PCSK6: variants seen among roughly 807,000 people sequenced by gnomAD.
PCSK6 encodes paired basic amino acid cleaving enzyme 4.
PCSK6 carries 85 observed loss-of-function variants against 123.3 expected under a neutral mutation model. That is an observed-to-expected ratio of 0.69 (90% confidence interval 0.58 to 0.83). The LOEUF (loss-of-function observed/expected upper bound fraction) is 0.83, where lower values mean the gene tolerates loss of function less well. Ranked by LOEUF, PCSK6 falls within the 40% of genes least tolerant of loss-of-function variation. The pLI is 0.00. For synonymous variants in PCSK6, 508 were observed against 516.0 expected, an observed-to-expected ratio of 0.98 and a Z score of 0.21; for missense variants, 1,191 against 1,282.3, an observed-to-expected ratio of 0.93 and a Z score of 1.09.
At chr15:101,392,132 G>A (rs191687734) in intron 8 of PCSK6, among the ~76,000 whole-genome samples, 1 of 152,338 alleles carries the variant, frequency 6.6e-6, no homozygotes, top group African/African-American at 2.4e-5. Flanking sequence ...GCAAGACTAT[G>A]TTGGGTTTTG....
At chr15:101,377,789 C>A (rs1220416784) in intron 11 of PCSK6, among the ~76,000 whole-genome samples, 2 of 152,218 alleles carry the variant, frequency 1.3e-5, no homozygotes, top group Non-Finnish European at 2.9e-5. Context: ...CAAAGCAACA[C>A]ATTGGCTTTT....
intron 6 of PCSK6, among the ~76,000 whole-genome samples, chr15:101,399,206 G>A (rs2042513147): frequency 6.6e-6 from 1 of 152,190 alleles, no homozygotes; most frequent in Admixed American, 6.5e-5. Flanking sequence ...TGGCCAAAAG[G>A]CACATTTCTA....
chr15:101,370,290 A>G, intron 12 of PCSK6, 45 bp downstream of exon 12: 1 of 1,435,748 alleles, frequency 7.0e-7, no homozygotes. Context: ...TGCAGGGTCA[A>G]TCTCAGTGAG....
intron 1 of PCSK6, among the ~76,000 whole-genome samples, chr15:101,464,331 G>T (rs940814956): frequency 4.6e-5 from 7 of 152,186 alleles, no homozygotes; most frequent in Admixed American, 6.5e-5. Flanking sequence ...GGGACGAAAT[G>T]CAAGTAGGTC....
chr15:101,447,509 G>A (rs1304353638), intron 1 of PCSK6, among the ~76,000 whole-genome samples: 3 of 152,158 alleles, frequency 2.0e-5, no homozygotes, highest in Non-Finnish European at 4.4e-5. Flanking sequence ...AGACAAGCAG[G>A]TGACAAAATT....
chr15:101,398,664 C>T lies in PCSK6; in HGVS notation c.824-88G>A. The T allele has an allele frequency of 1.4e-6, 2 of 1,392,632 alleles. No individual in the cohort carries two copies. The highest frequency in any genetic ancestry group is 4.7e-5 in the East Asian group (2 of 42,706). The allele number at this position is 1,392,632 out of a possible 1,614,324, so 86.3% of individuals were successfully genotyped here. On this transcript the variant is annotated intron_variant, in intron 6 of 21. Transcript: ENST00000611716. The surrounding 1 kb of genome is among the most constrained non-coding windows in gnomAD (Gnocchi z 4.6). Reference sequence around the variant, plus strand: ...CGGGCCCAGGAGGCTCGGATGAGGACACCGCATCACAGAGTCCCTCCCCAG... The same window carrying T: ...CGGGCCCAGGAGGCTCGGATGAGGATACCGCATCACAGAGTCCCTCCCCAG...
rs970793042 is a variant in PCSK6 at position 101,477,182 on chromosome 15, G to A, written c.297+12192C>T. Among the ~76,000 whole-genome samples the A allele has an allele frequency of 2.0e-5, 3 of 152,188 alleles. 1 individual carries two copies. Among genetic ancestry groups the A allele is most frequent in the Non-Finnish European group, 4.4e-5 (3 of 68,032 alleles). On this transcript the variant is annotated intron_variant, in intron 1 of 21. Coordinates refer to ENST00000611716, the MANE Select transcript of PCSK6 (RefSeq NM_002570.5). ...CCATAGAAGACTTATTGACGTGGGA[G>A]GTACAAGTTGCAAAAGTAGACAATC...
At chr15:101,435,371 A>G (rs898413925) in intron 2 of PCSK6, among the ~76,000 whole-genome samples, 7 of 152,192 alleles carry the variant, frequency 4.6e-5, no homozygotes, top group Non-Finnish European at 1.0e-4. Flanking sequence ...AATGACTGCT[A>G]GATGACATCT....
rs183089931 is a variant in PCSK6 at position 101,457,389 on chromosome 15, A to C, written c.298-13729T>G. On this transcript the variant is annotated intron_variant, in intron 1 of 21. Coordinates refer to ENST00000611716, the MANE Select transcript of PCSK6 (RefSeq NM_002570.5). ...CCTTGCCCAAGGTTTCTAGGGGGAT[A>C]AATGAGGCGTGATGCATATGGAATG... 3.7e-3 allele frequency among the ~76,000 whole-genome samples: 567 copies of C among 152,270 alleles called. 4 individuals carry two copies. The highest frequency in any genetic ancestry group is 0.013 in the African/African-American group (544 of 41,564).
At chr15:101,371,284 C>T (rs952736050) in intron 11 of PCSK6, among the ~76,000 whole-genome samples, 1 of 152,024 alleles carries the variant, frequency 6.6e-6, no homozygotes, top group Non-Finnish European at 1.5e-5. Flanking sequence ...CCTTTGGTGA[C>T]CAGAAGGCGG....
intron 6 of PCSK6, among the ~76,000 whole-genome samples, chr15:101,404,220 C>A (rs1015669618): frequency 6.6e-6 from 1 of 152,136 alleles, no homozygotes; most frequent in Non-Finnish European, 1.5e-5. Context: ...GTAACAGGGG[C>A]CAACCTTCTC....
In PCSK6 at chr15:101,370,323, G is replaced by A; in HGVS notation, c.1721+12C>T. 6.6e-7 allele frequency: 1 copy of A among 1,511,044 alleles called. No individual in the cohort carries two copies. The highest frequency in any genetic ancestry group is 8.9e-7 in the Non-Finnish European group (1 of 1,124,420). The allele number at this position is 1,511,044 out of a possible 1,614,324, so 93.6% of individuals were successfully genotyped here. ...GAGCCCAGACCCCATCCCCACGCCT[G>A]CCTCGCCTTACCTCTTTGCCAGAAG... is the stretch of plus-strand genomic sequence containing the variant. On this transcript the variant is annotated intron_variant, in intron 12 of 21. Transcript: ENST00000611716.
rs551445851 is a variant in PCSK6 at position 101,398,795 on chromosome 15, A to G, written c.824-219T>C. On this transcript the variant is annotated intron_variant, in intron 6 of 21. Transcript: ENST00000611716. This position sits in a 1 kb window ranked among gnomAD's most constrained non-coding sequence, Gnocchi z 4.6. Reference sequence around the variant, plus strand: ...ACAAAAGAAAGCAAGCTACGTCCCAAAGAGAGGGTTCAGCTTCCCTCAGTG... The same window carrying G: ...ACAAAAGAAAGCAAGCTACGTCCCAGAGAGAGGGTTCAGCTTCCCTCAGTG... Among the ~76,000 whole-genome samples, 2 of 152,306 alleles carry G rather than the reference A, an allele frequency of 1.3e-5. No homozygotes were observed. Among genetic ancestry groups the G allele is most frequent in the African/African-American group, 4.8e-5 (2 of 41,564 alleles).
intron 13 of PCSK6, chr15:101,336,709 G>C (rs2040486287): frequency 6.6e-6 from 1 of 152,206 alleles, no homozygotes; most frequent in Non-Finnish European, 1.5e-5. Context: ...TGTAACAAGG[G>C]CCAGTGGAAT....
At chr15:101,457,390 A>T (rs2057214398) in intron 1 of PCSK6, among the ~76,000 whole-genome samples, 1 of 152,094 alleles carries the variant, frequency 6.6e-6, no homozygotes, top group African/African-American at 2.4e-5. Flanking sequence ...TAGGGGGATA[A>T]ATGAGGCGTG....
chr15:101,353,900 T>C (rs775547661), intron 13 of PCSK6, among the ~76,000 whole-genome samples: 6 of 152,182 alleles, frequency 3.9e-5, no homozygotes, highest in Non-Finnish European at 7.4e-5. Flanking sequence ...CTCAGCTCCC[T>C]CTTCCACAAA....
intron 7 of PCSK6, among the ~76,000 whole-genome samples, chr15:101,397,004 G>A (rs2042432534): frequency 6.6e-6 from 1 of 152,050 alleles, no homozygotes; most frequent in African/African-American, 2.4e-5. Flanking sequence ...GGAAGCTTCC[G>A]CCTCACACTT....
At chr15:101,306,914 G>A (rs1040119444) in intron 21 of PCSK6, among the ~76,000 whole-genome samples, 6 of 152,198 alleles carry the variant, frequency 3.9e-5, no homozygotes, top group African/African-American at 1.4e-4. Flanking sequence ...GGCGGCCTAT[G>A]GCATGGCAGT....
rs747138396 is a variant in PCSK6 at position 101,313,214 on chromosome 15, G to A, written c.2699+162C>T. 5 of 1,537,866 alleles carry A rather than the reference G, an allele frequency of 3.3e-6. No individual in the cohort carries two copies. The South Asian group carries it at 6.0e-5, about 19-fold the overall frequency. ...ACAAATATGCATCCAGTGAACAAAG[G>A]GACGAAGGCCCCTCAGCAGCTCTGT... On this transcript the variant is annotated intron_variant, in intron 20 of 21. Transcript: ENST00000611716.
Sources: allele counts gnomAD v4.1 joint callset (sites outside exome capture counted in the v4.1 genomes callset), GRCh38; gene constraint gnomAD v4.1.1; non-coding constraint Gnocchi (gnomAD v3.1); transcripts MANE v1.5; gene names NCBI Gene and HGNC (gene_info 2026-07-23, HGNC 2026-07-21).